Variants in STPG1 observed in about 807,000 individuals in gnomAD.
STPG1 encodes sperm tail PG-rich repeat containing 1, also known as O(6)-methylguanine-induced apoptosis 2.
STPG1 carries 33 observed loss-of-function variants against 40.1 expected under a neutral mutation model. The observed-to-expected ratio is 0.82, with a 90% CI of 0.62 to 1.10. STPG1 has a LOEUF of 1.10. STPG1 is among the 50% of genes least tolerant of loss of function. The probability of loss-of-function intolerance (pLI) is 0.00; values close to 1 mark genes in which losing one functional copy is unlikely to be tolerated. For synonymous variants in STPG1, 150 were observed against 155.0 expected (o/e 0.97, Z 0.24); for missense variants, 396 against 415.1 (o/e 0.95, Z 0.40).
At position 24,358,184 on chromosome 1, in the gene STPG1, G is replaced by C; in HGVS notation, c.*359C>G. ...GGCTTGGCCACCTTCAGGGTGGACT[G>C]ATCCTCCTTGAAGTCTGCGCTTCAG... On this transcript the variant is annotated 3_prime_UTR_variant, in exon 9 of 9. Transcript: ENST00000337248. 1 of 517,240 alleles carries C rather than the reference G, an allele frequency of 1.9e-6. No individual in the cohort carries two copies. Among genetic ancestry groups the C allele is most frequent in the East Asian group, 5.2e-5 (1 of 19,222 alleles). The allele number at this position is 517,240 out of a possible 1,614,324, so 32.0% of individuals were successfully genotyped here.
At chr1:24,363,693 T>C (rs1235761319) in intron 7 of STPG1, among the ~76,000 whole-genome samples, 3 of 152,292 alleles carry the variant, frequency 2.0e-5, no homozygotes, top group South Asian at 4.1e-4. Flanking sequence ...AAAAACTGCA[T>C]TGAAAGCAGA....
At chr1:24,409,975 A>C (rs1423420894) in intron 1 of STPG1, among the ~76,000 whole-genome samples, 1 of 152,256 alleles carries the variant, frequency 6.6e-6, no homozygotes, top group Non-Finnish European at 1.5e-5. Context: ...GAGGTTGCTA[A>C]GATCTACAGT....
At chr1:24,398,320 G>A (rs1383453625) in intron 2 of STPG1, among the ~76,000 whole-genome samples, 1 of 151,964 alleles carries the variant, frequency 6.6e-6, no homozygotes, top group Non-Finnish European at 1.5e-5. Flanking sequence ...TAGCAAACTA[G>A]GAATAGGAGC....
chr1:24,379,593 TTTTA>T, intron 5 of STPG1, 56 bp downstream of exon 5: 3 of 1,575,810 alleles, frequency 1.9e-6, no homozygotes, highest in Non-Finnish European at 2.6e-6. Context: ...CCCCTCTTCC[TTTTA>T]TTTTAGTAAA....
At chr1:24,407,518 T>C (rs1386813329) in intron 1 of STPG1, among the ~76,000 whole-genome samples, 1 of 151,220 alleles carries the variant, frequency 6.6e-6, no homozygotes, top group Non-Finnish European at 1.5e-5. Flanking sequence ...CTCGGCTCAC[T>C]GCACCCTCTG....
At chr1:24,367,995 T>G (rs1008076407) in intron 7 of STPG1, among the ~76,000 whole-genome samples, 1 of 152,164 alleles carries the variant, frequency 6.6e-6, no homozygotes, top group East Asian at 1.9e-4. Flanking sequence ...TGACCACTCT[T>G]TCTCTGGCAG....
intron 7 of STPG1, among the ~76,000 whole-genome samples, chr1:24,367,591 T>C (rs1357574008): frequency 1.3e-5 from 2 of 152,210 alleles, no homozygotes; most frequent in Admixed American, 6.5e-5. Flanking sequence ...TGATCTCGGC[T>C]CACTGCAACC....
At chr1:24,382,593 C>T (rs375970418) in intron 4 of STPG1, among the ~76,000 whole-genome samples, 1 of 152,164 alleles carries the variant, frequency 6.6e-6, no homozygotes, top group East Asian at 1.9e-4. Context: ...CCTAGCAGAG[C>T]TGGTGGCAGA....
intron 5 of STPG1, among the ~76,000 whole-genome samples, chr1:24,376,371 G>A (rs1386084649): frequency 1.3e-5 from 2 of 152,052 alleles, no homozygotes; most frequent in Non-Finnish European, 2.9e-5. Flanking sequence ...GAATTATAAG[G>A]GACTTCCACT....
At chr1:24,401,924 T>C (rs1643244335) in intron 1 of STPG1, among the ~76,000 whole-genome samples, 1 of 152,162 alleles carries the variant, frequency 6.6e-6, no homozygotes, top group South Asian at 2.1e-4. Flanking sequence ...TGACCTCAGG[T>C]AATCTGCCTG....
chr1:24,370,642 C>T (rs1242787239), intron 6 of STPG1, among the ~76,000 whole-genome samples: 1 of 152,260 alleles, frequency 6.6e-6, no homozygotes, highest in African/African-American at 2.4e-5. Flanking sequence ...CAGATGCCCA[C>T]CACCACGCCT....
rs542050720 is a variant in STPG1 at position 24,390,021 on chromosome 1, T to C, written c.189+1540A>G. On this transcript the variant is annotated intron_variant, in intron 3 of 8. Transcript: ENST00000337248. The stretch of plus-strand genomic sequence containing the variant: ...GGAATCAGGCTGAGGGCACCAGGGC[T>C]GGCCAAGGCCCCTCACTCCATGCCT... Among the ~76,000 whole-genome samples the C allele has an allele frequency of 4.5e-4, 68 of 152,360 alleles. 1 individual carries two copies. The highest frequency in any genetic ancestry group is 1.6e-3 in the African/African-American group (65 of 41,584).
In STPG1 at chr1:24,376,881, TCTC is replaced by T. The variant is rs1363229313; in HGVS notation, c.462+2769_462+2771del. 4.6e-5 allele frequency among the ~76,000 whole-genome samples: 7 copies of T among 152,166 alleles called. No homozygotes were observed. The South Asian group carries it at 1.2e-3, about 27-fold the overall frequency. ...GCCATCTCTCCTGTTAGCATAATAATCTCCTCGCTGGTTTTCCAGAACCCACTC... is the reference window on the plus strand; with the variant it reads ...GCCATCTCTCCTGTTAGCATAATAATCTCGCTGGTTTTCCAGAACCCACTC... On this transcript the variant is annotated intron_variant, in intron 5 of 8. Transcript: ENST00000337248.
chr1:24,385,855 G>C lies in STPG1; in HGVS notation c.190-1852C>G, dbSNP rs145184730. ...TGGGCTTCCTTATTTGTAAGTCCAAGGTGTTGGGCCTTGGGTGCTTTTGAG... is the reference window on the plus strand; with the variant it reads ...TGGGCTTCCTTATTTGTAAGTCCAACGTGTTGGGCCTTGGGTGCTTTTGAG... On this transcript the variant is annotated intron_variant, in intron 3 of 8. Coordinates refer to ENST00000337248, the MANE Select transcript of STPG1 (RefSeq NM_001199013.2). 2.8e-3 allele frequency among the ~76,000 whole-genome samples: 425 copies of C among 152,336 alleles called. 6 individuals carry two copies. Among genetic ancestry groups the C allele is most frequent in the African/African-American group, 8.9e-3 (372 of 41,576 alleles).
intron 4 of STPG1, among the ~76,000 whole-genome samples, chr1:24,383,160 G>A (rs915036670): frequency 3.3e-5 from 5 of 152,054 alleles, no homozygotes; most frequent in Non-Finnish European, 2.9e-5. Context: ...TGATCTTCCC[G>A]CATTGGCCTT....
chr1:24,373,535 G>A (rs1320640931), intron 6 of STPG1, among the ~76,000 whole-genome samples, 167 bp downstream of exon 6: 1 of 152,160 alleles, frequency 6.6e-6, no homozygotes, highest in Non-Finnish European at 1.5e-5. Flanking sequence ...GGTGGGGATT[G>A]CTGGCTGTCT....
intron 6 of STPG1, among the ~76,000 whole-genome samples, chr1:24,371,726 C>T (rs911264897): frequency 1.3e-5 from 2 of 152,038 alleles, no homozygotes; most frequent in Admixed American, 1.3e-4. Flanking sequence ...AAGGTTATAG[C>T]AACACTTGAA....
intron 1 of STPG1, 28 bp downstream of exon 1, chr1:24,413,646 C>G (rs902735543): frequency 6.6e-6 from 1 of 152,246 alleles, no homozygotes; most frequent in African/African-American, 2.4e-5. Flanking sequence ...CCTCAGGGAC[C>G]GGTCCCCCCG....
At chr1:24,391,958 T>G in intron 2 of STPG1, 1 of 1,123,774 alleles carries the variant, frequency 8.9e-7, no homozygotes, top group Non-Finnish European at 1.1e-6. Context: ...AGGAAGGAGA[T>G]GATAGTAAAG....
Sources: allele counts gnomAD v4.1 joint callset (sites outside exome capture counted in the v4.1 genomes callset), GRCh38; gene constraint gnomAD v4.1.1; transcripts MANE v1.5; gene names NCBI Gene and HGNC (gene_info 2026-07-23, HGNC 2026-07-21).